The following NRXN1 variants were observed in gnomAD, a reference collection of about 807,000 sequenced individuals.
NRXN1 encodes neurexin-1.
Under a neutral mutation model 150.9 loss-of-function variants are expected in NRXN1, and 39 were observed. That is an observed-to-expected ratio of 0.26 (90% CI 0.20 to 0.34). NRXN1 has a LOEUF of 0.34. NRXN1 is among the 10% of genes least tolerant of loss of function. NRXN1 has a pLI of 1.00. For missense variants in NRXN1, 1,815 were observed against 1,949.9 expected (o/e 0.93, Z 1.30); for synonymous variants, 924 against 757.0 (o/e 1.22, Z -3.62).
At chr2:50,339,925 G>T (rs1162748451) in intron 17 of NRXN1, among the ~76,000 whole-genome samples, 1 of 152,090 alleles carries the variant, frequency 6.6e-6, no homozygotes, top group Non-Finnish European at 1.5e-5. Flanking sequence ...AACATTTTTT[G>T]AGACATGAAT....
At chr2:50,765,044 G>A (rs777966992) in intron 5 of NRXN1, among the ~76,000 whole-genome samples, 1 of 152,044 alleles carries the variant, frequency 6.6e-6, no homozygotes, top group East Asian at 2.0e-4. Flanking sequence ...TCAATCTCAG[G>A]TTGAGATTTG....
intron 5 of NRXN1, among the ~76,000 whole-genome samples, chr2:50,627,357 ATGTGTGTG>A (rs34870955): frequency 0.18 from 25,800 of 143,526 alleles, 2,358 homozygotes; most frequent in Non-Finnish European, 0.2. Flanking sequence ...TGGTTCATGT[ATGTGTGTG>A]TGTGTGTGTG....
intron 18 of NRXN1, among the ~76,000 whole-genome samples, chr2:50,176,781 C>T (rs2060378885): frequency 6.6e-6 from 1 of 152,074 alleles, no homozygotes; most frequent in African/African-American, 2.4e-5. Context: ...CAATACACCC[C>T]TGGTCTTCCC....
chr2:50,504,284 T>G (rs1205551212), intron 13 of NRXN1, among the ~76,000 whole-genome samples: 1 of 152,156 alleles, frequency 6.6e-6, no homozygotes, highest in African/African-American at 2.4e-5. Flanking sequence ...TTGTTATCTA[T>G]GCAAACTTTA....
intron 8 of NRXN1, among the ~76,000 whole-genome samples, chr2:50,579,477 G>C (rs1295760092): frequency 1.3e-5 from 2 of 152,084 alleles, no homozygotes; most frequent in Non-Finnish European, 2.9e-5. Flanking sequence ...GGGCAACACA[G>C]TCTCTACCAA....
chr2:50,087,883 T>C (rs1699019883), intron 19 of NRXN1, among the ~76,000 whole-genome samples: 1 of 152,142 alleles, frequency 6.6e-6, no homozygotes, highest in Admixed American at 6.5e-5. Context: ...ATAGTGTTGC[T>C]ACCAGATGAA....
rs1176554711 is a variant in NRXN1, at chr2:49,973,792, T to C, written c.4129-30001A>G. The C allele has an allele frequency of 1.4e-5, 8 of 575,568 alleles. No homozygotes were observed. The East Asian group carries it at 2.3e-4, about 16-fold the overall frequency. The allele number at this position is 575,568 out of a possible 1,614,324, so 35.7% of individuals were successfully genotyped here. ...TTCCACATTTCACATACAGCGTGCA[T>C]AAATTTGACATGCAATCTTCAAGAA... is the stretch of plus-strand genomic sequence containing the variant. On this transcript the variant is annotated intron_variant, in intron 21 of 22. Coordinates refer to ENST00000401669, the MANE Select transcript of NRXN1 (RefSeq NM_001330078.2).
At chr2:50,117,187 C>T (rs1703183709) in intron 18 of NRXN1, among the ~76,000 whole-genome samples, 1 of 152,172 alleles carries the variant, frequency 6.6e-6, no homozygotes, top group Non-Finnish European at 1.5e-5. Flanking sequence ...ACATTTTCAG[C>T]CCATATCCTT....
At chr2:50,117,449 G>A (rs549217083) in intron 18 of NRXN1, among the ~76,000 whole-genome samples, 1 of 152,210 alleles carries the variant, frequency 6.6e-6, no homozygotes, top group Admixed American at 6.5e-5. Flanking sequence ...GTCATAAACT[G>A]TGAGTAAGCA....
rs565078576 is a variant in NRXN1 at position 50,325,969 on chromosome 2, A to G, written c.3365-88999T>C. On this transcript the variant is annotated intron_variant, in intron 17 of 22. Coordinates refer to ENST00000401669, the MANE Select transcript of NRXN1 (RefSeq NM_001330078.2). Reference sequence around the variant, plus strand: ...AAGAAAACAAGGAAAAACCTGGTAGAAATATATTTAGCAGAGAAAGTTTCT... The same window carrying G: ...AAGAAAACAAGGAAAAACCTGGTAGGAATATATTTAGCAGAGAAAGTTTCT... Among the ~76,000 whole-genome samples, 4 of 152,340 alleles carry G rather than the reference A, an allele frequency of 2.6e-5. No individual in the cohort carries two copies. The South Asian group carries it at 8.3e-4, about 32-fold the overall frequency.
intron 5 of NRXN1, among the ~76,000 whole-genome samples, chr2:50,686,021 C>A (rs17559881): frequency 0.085 from 12,927 of 152,102 alleles, 637 homozygotes; most frequent in Middle Eastern, 0.13. Context: ...GAGCTACTTA[C>A]TTCCTCTCCC....
At chr2:50,894,975 C>A (rs1681697605) in intron 5 of NRXN1, among the ~76,000 whole-genome samples, 2 of 152,220 alleles carry the variant, frequency 1.3e-5, no homozygotes, top group South Asian at 4.1e-4. Flanking sequence ...TATTCCATAT[C>A]TCATGCTTAC....
At chr2:49,971,316 C>A (rs1677916368) in intron 21 of NRXN1, among the ~76,000 whole-genome samples, 1 of 152,166 alleles carries the variant, frequency 6.6e-6, no homozygotes, top group Non-Finnish European at 1.5e-5. Context: ...GTGACACAGA[C>A]AGTAGCATTT....
intron 6 of NRXN1, among the ~76,000 whole-genome samples, chr2:50,622,397 A>C (rs1680186953): frequency 6.6e-6 from 1 of 152,192 alleles, no homozygotes; most frequent in Non-Finnish European, 1.5e-5. Context: ...GCAACTGTTC[A>C]GAGAAACAAC....
intron 5 of NRXN1, among the ~76,000 whole-genome samples, chr2:50,893,260 A>T (rs1431284940): frequency 6.6e-6 from 1 of 152,178 alleles, no homozygotes; most frequent in African/African-American, 2.4e-5. Flanking sequence ...ATTTTAGGGT[A>T]GGTAATACAT....
At chr2:50,337,228 G>C (rs1335362407) in intron 17 of NRXN1, among the ~76,000 whole-genome samples, 1 of 151,928 alleles carries the variant, frequency 6.6e-6, no homozygotes, top group African/African-American at 2.4e-5. Flanking sequence ...TGGGATTACA[G>C]GCAAAGGCCA....
intron 17 of NRXN1, among the ~76,000 whole-genome samples, chr2:50,267,479 G>A (rs896998825): frequency 6.6e-6 from 1 of 152,074 alleles, no homozygotes; most frequent in Non-Finnish European, 1.5e-5. Context: ...ATCCTGAAGG[G>A]CCCCAAAGTT....
intron 18 of NRXN1, among the ~76,000 whole-genome samples, chr2:50,123,722 G>A (rs1444227270): frequency 1.3e-5 from 2 of 152,116 alleles, no homozygotes; most frequent in African/African-American, 4.8e-5. Context: ...GAGGCAATGA[G>A]ATTTACTGAT....
intron 3 of NRXN1, among the ~76,000 whole-genome samples, chr2:50,924,660 T>G (rs1338285558): frequency 2.0e-5 from 3 of 151,788 alleles, no homozygotes; most frequent in African/African-American, 4.8e-5. Flanking sequence ...ATTAAAATTA[T>G]AGTATACAAA....
Sources: gnomAD v4.1 joint callset for allele counts (sites outside exome capture counted in the v4.1 genomes callset) on GRCh38, gnomAD v4.1.1 for gene constraint, MANE v1.5 for transcripts, NCBI Gene and HGNC (gene_info 2026-07-23, HGNC 2026-07-21) for gene names.